SYT1: variants seen among roughly 807,000 people sequenced by gnomAD.
The protein encoded by SYT1 is synaptotagmin-1.
A neutral mutation model predicts 44.8 loss-of-function variants in SYT1; 8 were observed. That is an observed-to-expected ratio of 0.18 (90% CI 0.10 to 0.32). The LOEUF (loss-of-function observed/expected upper bound fraction) is 0.32. SYT1 is among the 10% of genes least tolerant of loss of function. SYT1 has a pLI of 1.00. For missense variants in SYT1, 286 were observed against 509.3 expected, an observed-to-expected ratio of 0.56 and a Z score of 4.22; for synonymous variants, 154 against 188.8, an observed-to-expected ratio of 0.82 and a Z score of 1.51.
intron 1 of SYT1, among the ~76,000 whole-genome samples, chr12:78,939,681 T>G (rs1878247015): frequency 6.6e-6 from 1 of 152,208 alleles, no homozygotes; most frequent in Non-Finnish European, 1.5e-5. Context: ...ATTCACTTTC[T>G]GCACTTACCA....
intron 3 of SYT1, among the ~76,000 whole-genome samples, chr12:79,084,267 CAT>C (rs1288171285): frequency 6.6e-6 from 1 of 152,056 alleles, no homozygotes; most frequent in East Asian, 1.9e-4. Context: ...TTGATGGACA[CAT>C]AGTTTATTCA....
intron 8 of SYT1, among the ~76,000 whole-genome samples, chr12:79,309,446 C>T (rs1880651324): frequency 6.6e-6 from 1 of 151,252 alleles, no homozygotes; most frequent in Non-Finnish European, 1.5e-5. Flanking sequence ...GGTGGTACAA[C>T]ATGAAAGATT....
rs780262292 is a variant in SYT1, at chr12:79,449,293, C to T, written c.*169C>T. The T allele has an allele frequency of 2.9e-6, 2 of 697,198 alleles. No homozygotes were observed. Among genetic ancestry groups the T allele is most frequent in the African/African-American group, 1.8e-5 (1 of 55,532 alleles). 43.2% of individuals were successfully genotyped at this position (697,198 alleles called of 1,614,324 possible). On this transcript the variant is annotated 3_prime_UTR_variant, in exon 11 of 11. Coordinates refer to ENST00000261205, the MANE Select transcript of SYT1 (RefSeq NM_005639.3). ...TGCACAAATTTAAATGTAGAGAGCC[C>T]CTAAGTCCTTCATCATACCACTGCC...
At chr12:79,081,352 A>G (rs1358100092) in intron 3 of SYT1, among the ~76,000 whole-genome samples, 1 of 151,956 alleles carries the variant, frequency 6.6e-6, no homozygotes, top group Non-Finnish European at 1.5e-5. Flanking sequence ...CCACAGTGGA[A>G]TCTGAGACAC....
intron 1 of SYT1, among the ~76,000 whole-genome samples, chr12:78,876,461 G>GTTTTTTTTTTTTTT (rs1491347037): frequency 3.3e-5 from 1 of 30,214 alleles, no homozygotes; most frequent in African/African-American, 7.0e-5. Context: ...GAAAATGGAG[G>GTTTTTTTTTTTTTT]TGTTTTTTTT....
At chr12:78,972,515 G>A (rs1868448680) in intron 1 of SYT1, among the ~76,000 whole-genome samples, 1 of 141,676 alleles carries the variant, frequency 7.1e-6, no homozygotes, top group African/African-American at 2.7e-5. Context: ...AAATAACTTG[G>A]CAGCTTTTCT....
chr12:79,134,725 G>A (rs918457929), intron 3 of SYT1, among the ~76,000 whole-genome samples: 5 of 151,918 alleles, frequency 3.3e-5, no homozygotes, highest in Non-Finnish European at 4.4e-5. Context: ...AAGTAACAAG[G>A]GCTCGATGGG....
rs1555211615 is a variant in SYT1 at position 79,251,982 on chromosome 12, T to TAGATAGATA, written c.167-33805_167-33804insAGATAGATA. 6.6e-3 allele frequency among the ~76,000 whole-genome samples: 984 copies of TAGATAGATA among 149,928 alleles called. 7 individuals are homozygous for TAGATAGATA. The highest frequency in any genetic ancestry group is 0.013 in the African/African-American group (515 of 40,624). ...TGTTTTTCTTAACAAGATAGATGATTGATAGATAGATAGATAGATAGATAG... is the reference window on the plus strand; with the variant it reads ...TGTTTTTCTTAACAAGATAGATGATTAGATAGATAGATAGATAGATAGATAGATAGATAG... On this transcript the variant is annotated intron_variant, in intron 4 of 10. Transcript: ENST00000261205.
At chr12:78,911,697 G>A (rs1876338016) in intron 1 of SYT1, among the ~76,000 whole-genome samples, 1 of 151,974 alleles carries the variant, frequency 6.6e-6, no homozygotes, top group South Asian at 2.1e-4. Flanking sequence ...CAACACAATG[G>A]TGTGGGGTGA....
intron 4 of SYT1, among the ~76,000 whole-genome samples, chr12:79,256,468 A>G (rs1877523782): frequency 6.6e-6 from 1 of 152,182 alleles, no homozygotes; most frequent in Admixed American, 6.5e-5. Flanking sequence ...TTATCAAACC[A>G]TTACCTTATC....
At chr12:79,039,767 T>TC (rs1282179717) in intron 2 of SYT1, among the ~76,000 whole-genome samples, 1 of 130,428 alleles carries the variant, frequency 7.7e-6, no homozygotes, top group African/African-American at 2.8e-5. Flanking sequence ...TGCTATCCCT[T>TC]CCCCCTCCCC....
intron 8 of SYT1, among the ~76,000 whole-genome samples, chr12:79,318,254 T>C (rs1191864086): frequency 6.6e-6 from 1 of 152,112 alleles, no homozygotes; most frequent in Non-Finnish European, 1.5e-5. Context: ...CCGGAGGGCC[T>C]GTTTAATAGT....
At chr12:79,414,994 G>T (rs1189532035) in intron 9 of SYT1, among the ~76,000 whole-genome samples, 1 of 151,932 alleles carries the variant, frequency 6.6e-6, no homozygotes, top group African/African-American at 2.4e-5. Context: ...GTATTTTTTT[G>T]CAGGGCCTTG....
At chr12:79,273,688 C>G (rs142669526) in intron 4 of SYT1, among the ~76,000 whole-genome samples, 1 of 152,246 alleles carries the variant, frequency 6.6e-6, no homozygotes, top group African/African-American at 2.4e-5. Flanking sequence ...TGCAGGCACT[C>G]CTAGACCCCA....
In SYT1 at chr12:78,931,216, AAAGAAAGAAAGAAAGAAAGAAAGAAGG is replaced by A. The variant is rs1565723245; in HGVS notation, c.-216-46579_-216-46553del. 1.0e-3 allele frequency among the ~76,000 whole-genome samples: 55 copies of A among 54,402 alleles called. 4 individuals carry two copies. Among genetic ancestry groups the A allele is most frequent in the African/African-American group, 4.6e-3 (45 of 9,738 alleles). The allele number at this position is 54,402 out of a possible 152,430, so 35.7% of individuals were successfully genotyped here. On this transcript the variant is annotated intron_variant, in intron 1 of 10. Transcript: ENST00000261205. ...GAAAGAAAGAAAGAAAGAAAGAAAG[AAAGAAAGAAAGAAAGAAAGAAAGAAGG>A]AAGGAAGGAAGGAAGGAAGGAAGGA...
chr12:79,057,507 A>T (rs148943071), intron 3 of SYT1, among the ~76,000 whole-genome samples: 4 of 151,982 alleles, frequency 2.6e-5, no homozygotes, highest in Admixed American at 2.0e-4. Context: ...TTGCTTATCC[A>T]TTTTATATTT....
chr12:78,979,081 T>G (rs1480993616), intron 2 of SYT1, among the ~76,000 whole-genome samples: 1 of 152,282 alleles, frequency 6.6e-6, no homozygotes, highest in African/African-American at 2.4e-5. Context: ...CAAATTATCA[T>G]TATTTCTTTA....
chr12:79,268,994 C>A (rs1346615367), intron 4 of SYT1, among the ~76,000 whole-genome samples: 1 of 151,932 alleles, frequency 6.6e-6, no homozygotes, highest in East Asian at 1.9e-4. Flanking sequence ...ATACTATTTT[C>A]ACCGTGGAGC....
chr12:79,014,905 T>C (rs1312261917), intron 2 of SYT1, among the ~76,000 whole-genome samples: 1 of 152,074 alleles, frequency 6.6e-6, no homozygotes, highest in Non-Finnish European at 1.5e-5. Context: ...GTTCATGTCC[T>C]TTGTAGGGAC....
Sources: gnomAD v4.1 joint callset for allele counts (sites outside exome capture counted in the v4.1 genomes callset) on GRCh38, gnomAD v4.1.1 for gene constraint, MANE v1.5 for transcripts, NCBI Gene and HGNC (gene_info 2026-07-23, HGNC 2026-07-21) for gene names.